Variants in NANS observed in about 807,000 individuals in gnomAD.
NANS encodes the protein N-acetylneuraminate synthase.
NANS carries 29 observed loss-of-function variants against 33.3 expected under a neutral mutation model. That is an observed-to-expected ratio of 0.87 (90% CI 0.65 to 1.19). The LOEUF (loss-of-function observed/expected upper bound fraction) is 1.19, where lower values mean the gene tolerates loss of function less well. Ranked by LOEUF, NANS falls within the 50% of genes most tolerant of loss-of-function variation. The pLI, the probability that NANS is intolerant of heterozygous loss-of-function variation, is 0.00. For synonymous variants in NANS, 163 were observed against 177.2 expected (o/e 0.92, Z 0.64); for missense variants, 394 against 461.1 (o/e 0.85, Z 1.33).
chr9:98,079,127 T>G (rs34943075), intron 4 of NANS, among the ~76,000 whole-genome samples: 1 of 152,148 alleles, frequency 6.6e-6, no homozygotes, highest in African/African-American at 2.4e-5. Flanking sequence ...TCACAGATGG[T>G]GAAATCCAGT....
Position 98,082,717 on chromosome 9 carries a change from G to C in NANS, c.871-129G>C, listed in dbSNP as rs975313583. On this transcript the variant is annotated intron_variant, in intron 5 of 5. Transcript: ENST00000210444. ...GTATGAGATATTCTGAGCAGTGTAG[G>C]GGGCAACAGAGTGCCTGCTCCCAAG... 32 of 741,766 alleles carry C rather than the reference G, an allele frequency of 4.3e-5. No homozygotes were observed. In the South Asian group the frequency reaches 5.5e-4, roughly 13 times the overall value. The allele number at this position is 741,766 out of a possible 1,614,324, so 45.9% of individuals were successfully genotyped here.
chr9:98,078,309 C>T lies in NANS; in HGVS notation c.565C>T (p.Pro189Ser). ...FCFLQCTSAY[P>S]LQPEDVNLRV... ...CTTCTTGCAGTGTACCAGCGCATAC[C>T]CGCTCCAGCCTGAGGACGTCAACCT... Residue 189 changes from proline to serine, a missense_variant, in exon 4 of 6, where the codon CCG becomes TCG. Coordinates refer to ENST00000210444, the MANE Select transcript of NANS (RefSeq NM_018946.4). The T allele has an allele frequency of 6.2e-7, 1 of 1,613,956 alleles. No homozygotes were observed. The highest frequency in any genetic ancestry group is 1.1e-5 in the South Asian group (1 of 91,034).
At chr9:98,082,777 G>A in intron 5 of NANS, 69 bp from the exon 6 acceptor site, 1 of 1,469,848 alleles carries the variant, frequency 6.8e-7, no homozygotes, top group Non-Finnish European at 9.3e-7. Context: ...GGGACCTTGA[G>A]TGTAAAGTAA....
chr9:98,066,847 C>T (rs970636887), intron 2 of NANS, among the ~76,000 whole-genome samples: 1 of 152,116 alleles, frequency 6.6e-6, no homozygotes, highest in African/African-American at 2.4e-5. Flanking sequence ...GACAGGGTTT[C>T]ACCATGTTGA....
intron 2 of NANS, among the ~76,000 whole-genome samples, chr9:98,068,360 G>C (rs1275007489): frequency 6.6e-6 from 1 of 151,524 alleles, no homozygotes; most frequent in Non-Finnish European, 1.5e-5. Flanking sequence ...GGCTGGTCTC[G>C]AACTCCTGAT....
chr9:98,061,014 T>A lies in NANS; in HGVS notation c.348+17T>A, dbSNP rs768129330. On this transcript the variant is annotated intron_variant, in intron 2 of 5. Coordinates refer to ENST00000210444, the MANE Select transcript of NANS (RefSeq NM_018946.4). ...ATGGATGAGGTGAGTCCTCTGCTGC[T>A]CTGTCATTTGTCACTTTAGCAGACC... 1.9e-6 allele frequency: 3 copies of A among 1,611,526 alleles called. No individual in the cohort carries two copies. Among genetic ancestry groups the A allele is most frequent in the Non-Finnish European group, 2.5e-6 (3 of 1,178,984 alleles).
intron 4 of NANS, among the ~76,000 whole-genome samples, chr9:98,079,089 C>G (rs1829731551): frequency 6.6e-6 from 1 of 152,122 alleles, no homozygotes; most frequent in African/African-American, 2.4e-5. Flanking sequence ...AAATTACTCT[C>G]TCCCACGATT....
chr9:98,071,013 A>G (rs529034559), intron 2 of NANS, among the ~76,000 whole-genome samples: 4 of 150,546 alleles, frequency 2.7e-5, no homozygotes, highest in Non-Finnish European at 5.9e-5. Flanking sequence ...GGGTCTCCCT[A>G]TGTTGCCCAG....
At chr9:98,068,814 T>G (rs1829226337) in intron 2 of NANS, among the ~76,000 whole-genome samples, 2 of 124,102 alleles carry the variant, frequency 1.6e-5, no homozygotes, top group South Asian at 5.8e-4. Flanking sequence ...GGCAAAAGAG[T>G]GAGATCCTGT....
intron 3 of NANS, 22 bp downstream of exon 3, chr9:98,077,039 T>A: frequency 6.4e-7 from 1 of 1,569,974 alleles, no homozygotes; most frequent in Non-Finnish European, 8.7e-7. Context: ...ATTTTTGACT[T>A]AAAATCGAAG....
chr9:98,070,015 G>A (rs991207144), intron 2 of NANS, among the ~76,000 whole-genome samples: 1 of 152,192 alleles, frequency 6.6e-6, no homozygotes, highest in African/African-American at 2.4e-5. Context: ...GAAACTGGGG[G>A]AAGAGTATAT....
intron 2 of NANS, among the ~76,000 whole-genome samples, chr9:98,066,353 C>A (rs1397916318): frequency 6.6e-6 from 1 of 152,124 alleles, no homozygotes; most frequent in Non-Finnish European, 1.5e-5. Flanking sequence ...ATCATTCTCA[C>A]AAGTATATAG....
At chr9:98,059,705 G>C (rs1828921623) in intron 1 of NANS, among the ~76,000 whole-genome samples, 1 of 151,590 alleles carries the variant, frequency 6.6e-6, no homozygotes, top group Admixed American at 6.6e-5. Context: ...ATGGGCCACT[G>C]TGCCTGACCT....
chr9:98,071,141 GA>G (rs1452404185), intron 2 of NANS, among the ~76,000 whole-genome samples: 1 of 152,210 alleles, frequency 6.6e-6, no homozygotes, highest in Non-Finnish European at 1.5e-5. Context: ...ATTTGAAGAT[GA>G]AAACATTTGG....
At chr9:98,076,807 C>T in intron 2 of NANS, 111 bp from the exon 3 acceptor site, 1 of 805,974 alleles carries the variant, frequency 1.2e-6, no homozygotes, top group Non-Finnish European at 2.0e-6. Flanking sequence ...CTGAGCGTCC[C>T]TCTACTGCCT....
At chr9:98,075,469 AG>A (rs1469144950) in intron 2 of NANS, 3 of 117,684 alleles carry the variant, frequency 2.5e-5, no homozygotes, top group African/African-American at 1.0e-4. Context: ...GGAGGGAGGG[AG>A]GAAGGAAGGG....
intron 2 of NANS, among the ~76,000 whole-genome samples, chr9:98,066,770 C>A (rs1220435513): frequency 6.6e-6 from 1 of 152,040 alleles, no homozygotes; most frequent in Non-Finnish European, 1.5e-5. Flanking sequence ...CCTGCCTCAG[C>A]CTCCCGAGTA....
chr9:98,059,117 G>A (rs902810332), intron 1 of NANS, among the ~76,000 whole-genome samples: 7 of 151,816 alleles, frequency 4.6e-5, no homozygotes, highest in Non-Finnish European at 8.8e-5. Flanking sequence ...TCCGCCTCCT[G>A]GGTTCACACC....
At chr9:98,075,543 CCAAT>C (rs1469020168) in intron 2 of NANS, 6 of 152,012 alleles carry the variant, frequency 3.9e-5, no homozygotes, top group Non-Finnish European at 8.8e-5. Context: ...CGGTCCTAGA[CCAAT>C]CAGAGTTTGC....
Sources: gnomAD v4.1 joint callset for allele counts (sites outside exome capture counted in the v4.1 genomes callset) on GRCh38, gnomAD v4.1.1 for gene constraint, MANE v1.5 for transcripts, NCBI Gene and HGNC (gene_info 2026-07-23, HGNC 2026-07-21) for gene names.